Variants in KRT27 observed in about 807,000 individuals in gnomAD.
KRT27 encodes the protein keratin, type I cytoskeletal 27.
A neutral mutation model predicts 45.3 loss-of-function variants in KRT27; 30 were observed. The ratio of observed to expected loss-of-function variants is 0.66; its 90% confidence interval spans 0.50 to 0.90. The LOEUF is 0.90. KRT27 is among the 40% of genes least tolerant of loss of function. KRT27 has a pLI of 0.00. For missense variants in KRT27, 610 were observed against 564.3 expected, an observed-to-expected ratio of 1.08 and a Z score of -0.82; for synonymous variants, 204 against 223.9, an observed-to-expected ratio of 0.91 and a Z score of 0.79.
intron 2 of KRT27, 62 bp from the exon 3 acceptor site, chr17:40,780,518 T>A: frequency 1.4e-6 from 2 of 1,450,198 alleles, no homozygotes; most frequent in South Asian, 2.4e-5. Context: ...ACTTTTTAGA[T>A]CATCATACAA....
chr17:40,781,974 AG>A, intron 1 of KRT27, 75 bp downstream of exon 1: 1 of 1,266,274 alleles, frequency 7.9e-7, no homozygotes. Flanking sequence ...TTATTGTGAT[AG>A]CTTATACATT....
In KRT27 at chr17:40,780,327, G is replaced by C; in HGVS notation, c.657C>G (p.Leu219=). The change falls in exon 3 of 8, where the codon CTC becomes CTG. Residue 219 remains leucine, a synonymous_variant. Transcript: ENST00000301656. ...CCTCATGATTCTTCTTGAGGTAAGC[G>C]AGCTCCTCACTGAGAGTTTCCAGCT... ...EIQLETLSEE[L]AYLKKNHEEE... The C allele has an allele frequency of 6.2e-7, 1 of 1,612,342 alleles. No homozygotes were observed. Among genetic ancestry groups the C allele is most frequent in the South Asian group, 1.1e-5 (1 of 90,560 alleles).
intron 1 of KRT27, 127 bp downstream of exon 1, chr17:40,781,923 A>G (rs889495914): frequency 2.8e-6 from 2 of 705,864 alleles, no homozygotes; most frequent in African/African-American, 1.8e-5. Context: ...TTAATATTGA[A>G]AATGAACTCC....
intron 5 of KRT27, chr17:40,778,160 C>T (rs1420506777): frequency 1.2e-5 from 2 of 173,900 alleles, no homozygotes; most frequent in African/African-American, 2.4e-5. Flanking sequence ...ATTAAAAAGT[C>T]ATCCTGCAGT....
intron 5 of KRT27, chr17:40,777,958 G>C: frequency 1.8e-6 from 1 of 555,858 alleles, no homozygotes; most frequent in Non-Finnish European, 3.2e-6. Context: ...AGATGCCCAG[G>C]TGTGCTAAAA....
Position 40,782,258 on chromosome 17 carries a change from A to G in KRT27, c.236T>C (p.Leu79Pro). 1 of 1,614,186 alleles carries G rather than the reference A, an allele frequency of 6.2e-7. No individual in the cohort carries two copies. Residue 79 changes from leucine (L) to proline (P), a missense_variant, in exon 1 of 8, where the codon CTC (leucine) becomes CCC (proline). Transcript: ENST00000301656. ...CAAFTGNEHG[L>P]LSGNEKVTMQ... ...GGTCACCTTCTCATTGCCAGAGAGGAGGCCGTGCTCATTCCCTGTGAAGGC... is the reference window on the plus strand; with the variant it reads ...GGTCACCTTCTCATTGCCAGAGAGGGGGCCGTGCTCATTCCCTGTGAAGGC...
intron 2 of KRT27, 69 bp downstream of exon 2, chr17:40,781,119 C>A: frequency 2.1e-6 from 2 of 932,020 alleles, no homozygotes; most frequent in Non-Finnish European, 1.7e-6. Flanking sequence ...CGTCAAATAA[C>A]TTAGAAGAAT....
intron 5 of KRT27, chr17:40,777,982 C>T (rs2038279402): frequency 2.0e-6 from 1 of 500,272 alleles, no homozygotes; most frequent in Non-Finnish European, 3.6e-6. Flanking sequence ...ATGAAATTGT[C>T]TCTTCATAGG....
At chr17:40,779,432 G>T (rs2038290014) in intron 5 of KRT27, 70 bp downstream of exon 5, 1 of 1,537,046 alleles carries the variant, frequency 6.5e-7, no homozygotes, top group South Asian at 1.2e-5. Context: ...AATTATGTTG[G>T]AAGAAAATTC....
chr17:40,782,298 T>G lies in KRT27; in HGVS notation c.196A>C (p.Ser66Arg), dbSNP rs772428372. ...CCTGTGAAGGCAGCACAGGAAGCAC[T>G]TCCCCCGCCCAGACCTCCGCCATAG... ...GGYGGGLGGG[S>R]ASCAAFTGNE... Residue 66 changes from serine (S) to arginine (R), a missense_variant, in exon 1 of 8, where the codon AGT becomes CGT. Transcript: ENST00000301656. 1 of 1,614,082 alleles carries G rather than the reference T, an allele frequency of 6.2e-7. No individual in the cohort carries two copies. Among genetic ancestry groups the G allele is most frequent in the Non-Finnish European group, 8.5e-7 (1 of 1,180,000 alleles).
At chr17:40,778,045 T>G (rs1762220545) in intron 5 of KRT27, 2 of 290,602 alleles carry the variant, frequency 6.9e-6, no homozygotes, top group Non-Finnish European at 1.3e-5. Flanking sequence ...GCTTGTAGAG[T>G]GTGGCACAAT....
At chr17:40,780,517 A>G in intron 2 of KRT27, 61 bp from the exon 3 acceptor site, 4 of 1,448,102 alleles carry the variant, frequency 2.8e-6, no homozygotes, top group Middle Eastern at 1.7e-4. Flanking sequence ...CACTTTTTAG[A>G]TCATCATACA....
intron 5 of KRT27, 170 bp from the exon 6 acceptor site, chr17:40,777,902 C>T: frequency 1.4e-6 from 1 of 707,418 alleles, no homozygotes; most frequent in Non-Finnish European, 2.3e-6. Context: ...AAATGTCCTA[C>T]TACTTTTCTA....
chr17:40,780,462 A>G lies in KRT27; in HGVS notation c.528-6T>C, dbSNP rs1462957404. The G allele has an allele frequency of 1.9e-6, 3 of 1,612,466 alleles. No individual in the cohort carries two copies. The highest frequency in any genetic ancestry group is 1.3e-5 in the African/African-American group (1 of 74,880). On this transcript the variant is annotated splice_polypyrimidine_tract_variant and splice_region_variant and intron_variant, in intron 2 of 7. Coordinates refer to ENST00000301656, the MANE Select transcript of KRT27 (RefSeq NM_181537.4). ...GCGCTAGCTCGTTTTCAAACCTTAG[A>G]AAAGTATTTGGAAGTTTCATCATTA...
intron 5 of KRT27, 152 bp from the exon 6 acceptor site, chr17:40,777,884 C>G: frequency 5.0e-6 from 4 of 797,070 alleles, no homozygotes; most frequent in Non-Finnish European, 7.8e-6. Flanking sequence ...TTAATTGTTG[C>G]CTTTATTAAA....
At position 40,777,364 on chromosome 17, in the gene KRT27, T is replaced by A. The variant is rs1224020268; in HGVS notation, c.1191-62A>T. The A allele has an allele frequency of 3.2e-6, 5 of 1,562,708 alleles. No homozygotes were observed. In the African/African-American group the frequency reaches 6.9e-5, roughly 22 times the overall value. On this transcript the variant is annotated intron_variant, in intron 6 of 7. Coordinates refer to ENST00000301656, the MANE Select transcript of KRT27 (RefSeq NM_181537.4). ...TTTTACTGAGGAAACTGAAAAATAA[T>A]GATTTAAGGTGGGAATTCACTGCAT...
In KRT27 at chr17:40,779,644, C is replaced by T. The variant is rs774804481; in HGVS notation, c.847-17G>A. 10 of 1,613,710 alleles carry T rather than the reference C, an allele frequency of 6.2e-6. No individual in the cohort carries two copies. In the African/African-American group the frequency reaches 1.1e-4, roughly 17 times the overall value. On this transcript the variant is annotated splice_polypyrimidine_tract_variant and intron_variant, in intron 4 of 7. Coordinates refer to ENST00000301656, the MANE Select transcript of KRT27 (RefSeq NM_181537.4). The stretch of plus-strand genomic sequence containing the variant: ...CGAGGCGCTCTGGAACGGCAGGGGC[C>T]GCGTTAGGGCGCTGGGGCTGAGTCC...
chr17:40,776,901 T>G lies in KRT27; in HGVS notation c.*98A>C. On this transcript the variant is annotated 3_prime_UTR_variant, in exon 8 of 8. Coordinates refer to ENST00000301656, the MANE Select transcript of KRT27 (RefSeq NM_181537.4). ...TCTAAAAATAACTTGTCTTAATTCA[T>G]TGGAAGAAAAGCAGAAAAATAAGGG... 1 of 1,105,128 alleles carries G rather than the reference T, an allele frequency of 9.0e-7. No individual in the cohort carries two copies. Among genetic ancestry groups the G allele is most frequent in the Non-Finnish European group, 1.3e-6 (1 of 766,614 alleles). 68.5% of individuals were successfully genotyped at this position (1,105,128 alleles called of 1,614,324 possible). A position where few individuals can be genotyped will look rare whatever the true frequency, so the allele number is the denominator to read the frequency against.
In KRT27 at chr17:40,776,982, G is replaced by T; in HGVS notation, c.*17C>A. On this transcript the variant is annotated 3_prime_UTR_variant, in exon 8 of 8. Transcript: ENST00000301656. Reference sequence around the variant, plus strand: ...GGTATTTTAATTTGGGGGCCATTCTGTCTCAGAGGCTGGAGTTCAGGAAGA... The same window carrying T: ...GGTATTTTAATTTGGGGGCCATTCTTTCTCAGAGGCTGGAGTTCAGGAAGA... 6.3e-7 allele frequency: 1 copy of T among 1,594,164 alleles called. No homozygotes were observed. The highest frequency in any genetic ancestry group is 8.6e-7 in the Non-Finnish European group (1 of 1,166,586).
Sources: allele counts gnomAD v4.1 joint callset, GRCh38; gene constraint gnomAD v4.1.1; transcripts MANE v1.5; gene names NCBI Gene and HGNC (gene_info 2026-07-23, HGNC 2026-07-21).